Variants in PRRX1 observed in about 807,000 individuals in gnomAD.
PRRX1 encodes the protein paired mesoderm homeobox protein 1.
A neutral mutation model predicts 24.0 loss-of-function variants in PRRX1; 8 were observed. The ratio of observed to expected loss-of-function variants is 0.33; its 90% CI spans 0.20 to 0.60. The LOEUF (loss-of-function observed/expected upper bound fraction) is 0.60, where lower values mean the gene tolerates loss of function less well. Ranked by LOEUF, PRRX1 falls within the 20% of genes least tolerant of loss-of-function variation. The pLI is 0.82. For missense variants in PRRX1, 281 were observed against 322.4 expected (o/e 0.87, Z 0.98); for synonymous variants, 160 against 131.7 (o/e 1.22, Z -1.47).
At chr1:170,703,950 A>C (rs1265389091) in intron 1 of PRRX1, among the ~76,000 whole-genome samples, 2 of 152,236 alleles carry the variant, frequency 1.3e-5, no homozygotes, top group Non-Finnish European at 2.9e-5. Flanking sequence ...AGAGTTAAGG[A>C]AGGAGAATAA....
chr1:170,724,683 A>G (rs1241243495), intron 2 of PRRX1, among the ~76,000 whole-genome samples: 1 of 152,162 alleles, frequency 6.6e-6, no homozygotes, highest in African/African-American at 2.4e-5. Context: ...TGGTTACTGT[A>G]GCCTTGTAGA....
chr1:170,688,569 C>T (rs768903621), intron 1 of PRRX1, among the ~76,000 whole-genome samples: 1 of 152,050 alleles, frequency 6.6e-6, no homozygotes, highest in African/African-American at 2.4e-5. Flanking sequence ...TGAATATTGA[C>T]TTATTTAAAT....
At chr1:170,716,156 C>T (rs1485345382) in intron 1 of PRRX1, among the ~76,000 whole-genome samples, 1 of 152,124 alleles carries the variant, frequency 6.6e-6, no homozygotes, top group Non-Finnish European at 1.5e-5. Flanking sequence ...CAAGACTACA[C>T]CTATTTATAA....
At chr1:170,725,001 T>C (rs1302450238) in intron 2 of PRRX1, among the ~76,000 whole-genome samples, 1 of 152,202 alleles carries the variant, frequency 6.6e-6, no homozygotes, top group Non-Finnish European at 1.5e-5. Flanking sequence ...TTTACTTCTC[T>C]TCTTAGCTGT....
At chr1:170,699,261 G>A (rs1367465846) in intron 1 of PRRX1, among the ~76,000 whole-genome samples, 1 of 152,138 alleles carries the variant, frequency 6.6e-6, no homozygotes. Flanking sequence ...GGACTTTTCT[G>A]TGGAAAAGAC....
chr1:170,667,591 G>T (rs1652986601), intron 1 of PRRX1: 1 of 152,160 alleles, frequency 6.6e-6, no homozygotes, highest in African/African-American at 2.4e-5. Flanking sequence ...TGACAATGAG[G>T]CTCAGACTGT....
intron 1 of PRRX1, among the ~76,000 whole-genome samples, chr1:170,711,413 T>G (rs1192788999): frequency 6.6e-6 from 1 of 152,206 alleles, no homozygotes; most frequent in East Asian, 1.9e-4. Flanking sequence ...TTCAAATGCC[T>G]TGTAGCTGTC....
intron 1 of PRRX1, among the ~76,000 whole-genome samples, chr1:170,677,349 A>G (rs929157762): frequency 1.3e-5 from 2 of 152,226 alleles, no homozygotes; most frequent in African/African-American, 4.8e-5. Context: ...CTAGTACCCT[A>G]CTCAAATAAA....
chr1:170,724,348 A>T (rs1026958460), intron 2 of PRRX1, among the ~76,000 whole-genome samples: 3 of 152,172 alleles, frequency 2.0e-5, no homozygotes, highest in Non-Finnish European at 4.4e-5. Flanking sequence ...TTCATCATGA[A>T]ATCTTTGCCC....
chr1:170,728,532 GTACATTT>G (rs1413269994), intron 3 of PRRX1: 3 of 152,028 alleles, frequency 2.0e-5, no homozygotes, highest in Non-Finnish European at 1.5e-5. Flanking sequence ...ATATGACCTA[GTACATTT>G]TACTCATTTC....
chr1:170,685,514 T>C (rs1653700930), intron 1 of PRRX1, among the ~76,000 whole-genome samples: 1 of 152,190 alleles, frequency 6.6e-6, no homozygotes, highest in African/African-American at 2.4e-5. Flanking sequence ...TTAAAAAGTA[T>C]TCATTTTGAT....
At chr1:170,696,346 G>A (rs1230841152) in intron 1 of PRRX1, among the ~76,000 whole-genome samples, 4 of 152,102 alleles carry the variant, frequency 2.6e-5, no homozygotes, top group African/African-American at 7.2e-5. Context: ...TATATTTTAC[G>A]TCCTACATTG....
At chr1:170,735,663 C>T (rs1246389686) in intron 3 of PRRX1, among the ~76,000 whole-genome samples, 2 of 152,120 alleles carry the variant, frequency 1.3e-5, no homozygotes, top group South Asian at 2.1e-4. Context: ...CCACTGCTCC[C>T]ACAGGCTGGG....
intron 3 of PRRX1, among the ~76,000 whole-genome samples, chr1:170,731,541 G>A (rs1044197420): frequency 6.6e-6 from 1 of 152,114 alleles, no homozygotes; most frequent in Non-Finnish European, 1.5e-5. Flanking sequence ...AAAGCAGAGG[G>A]GCAGTTGTCC....
intron 1 of PRRX1, among the ~76,000 whole-genome samples, chr1:170,708,238 T>TG (rs1160289827): frequency 6.6e-6 from 1 of 152,164 alleles, no homozygotes. Context: ...CAAGGACTTC[T>TG]TTAGGGCTGT....
chr1:170,690,055 G>T (rs1334494698), intron 1 of PRRX1, among the ~76,000 whole-genome samples: 2 of 151,840 alleles, frequency 1.3e-5, no homozygotes, highest in African/African-American at 2.4e-5. Context: ...TTCAAGAGCT[G>T]CCAGGTCTCT....
At chr1:170,728,595 A>G (rs1218490709) in intron 3 of PRRX1, 1 of 152,226 alleles carries the variant, frequency 6.6e-6, no homozygotes, top group African/African-American at 2.4e-5. Flanking sequence ...TGGATTTGTA[A>G]AAATTAATTT....
At chr1:170,721,695 C>G (rs1234750894) in intron 2 of PRRX1, among the ~76,000 whole-genome samples, 1 of 152,162 alleles carries the variant, frequency 6.6e-6, no homozygotes, top group East Asian at 1.9e-4. Flanking sequence ...CCCATAGAGA[C>G]AATACTCAGT....
Position 170,736,076 on chromosome 1 carries a change from G to T in PRRX1, c.628G>T (p.Ala210Ser). ...CATGGCTACTTATTCTGCCACATGT[G>T]CCAACAATAGCCCTGCACAGGGCAT... The part of the protein sequence containing the change: ...SAMATYSATC[A>S]NNSPAQGINM... Residue 210 changes from alanine to serine, a missense_variant, in exon 4 of 4, where the codon GCC (alanine) becomes TCC (serine). Coordinates refer to ENST00000239461, the MANE Select transcript of PRRX1 (RefSeq NM_022716.4). 1 of 1,614,026 alleles carries T rather than the reference G, an allele frequency of 6.2e-7. No homozygotes were observed. The highest frequency in any genetic ancestry group is 8.5e-7 in the Non-Finnish European group (1 of 1,179,950).
Sources: allele counts gnomAD v4.1 joint callset (sites outside exome capture counted in the v4.1 genomes callset), GRCh38; gene constraint gnomAD v4.1.1; transcripts MANE v1.5; gene names NCBI Gene and HGNC (gene_info 2026-07-23, HGNC 2026-07-21).